LRP2: variants seen among roughly 807,000 people sequenced by gnomAD.
LRP2 encodes the protein low-density lipoprotein receptor-related protein 2.
Under a neutral mutation model 531.0 loss-of-function variants are expected in LRP2, and 172 were observed. That is an observed-to-expected ratio of 0.32 (90% CI 0.29 to 0.37). The LOEUF (loss-of-function observed/expected upper bound fraction) is 0.37, where lower values mean the gene tolerates loss of function less well. Ranked by LOEUF, LRP2 falls within the 10% of genes least tolerant of loss-of-function variation. The pLI is 1.00. For missense variants in LRP2, 5,167 were observed against 5,868.3 expected (o/e 0.88, Z 3.90); for synonymous variants, 1,992 against 2,027.6 (o/e 0.98, Z 0.47).
chr2:169,283,773 C>G (rs977679749), intron 9 of LRP2, among the ~76,000 whole-genome samples: 2 of 152,172 alleles, frequency 1.3e-5, no homozygotes, highest in Non-Finnish European at 2.9e-5. Flanking sequence ...ATTGAAGTCC[C>G]TTACATGACA....
At chr2:169,284,405 C>G (rs893675880) in intron 9 of LRP2, among the ~76,000 whole-genome samples, 1 of 151,638 alleles carries the variant, frequency 6.6e-6, no homozygotes, top group African/African-American at 2.4e-5. Flanking sequence ...GCTGGAACTA[C>G]AGGTGTGCGC....
intron 16 of LRP2, among the ~76,000 whole-genome samples, chr2:169,270,156 A>G (rs1229623049): frequency 2.0e-5 from 3 of 152,122 alleles, no homozygotes; most frequent in Non-Finnish European, 4.4e-5. Flanking sequence ...ACACTGTTGG[A>G]GGGACTGTAA....
In LRP2 at chr2:169,216,243, G is replaced by A; in HGVS notation, c.5826+10C>T. 1 of 1,613,058 alleles carries A rather than the reference G, an allele frequency of 6.2e-7. No individual in the cohort carries two copies. Among genetic ancestry groups the A allele is most frequent in the East Asian group, 2.2e-5 (1 of 44,860 alleles). On this transcript the variant is annotated intron_variant, in intron 35 of 78. Coordinates refer to ENST00000649046, the MANE Select transcript of LRP2 (RefSeq NM_004525.3). Reference sequence around the variant, plus strand: ...GCATAAAGACCAAAAGACTGAAAGGGTGCTCATACCACTCCTCTTCCAGTG... The same window carrying A: ...GCATAAAGACCAAAAGACTGAAAGGATGCTCATACCACTCCTCTTCCAGTG...
intron 44 of LRP2, among the ~76,000 whole-genome samples, chr2:169,200,327 A>G (rs2105323939): frequency 6.6e-6 from 1 of 152,350 alleles, no homozygotes; most frequent in South Asian, 2.1e-4. Context: ...AGAAGCAATG[A>G]AAGCTAAGTA....
At chr2:169,260,648 G>A (rs185706737) in intron 16 of LRP2, among the ~76,000 whole-genome samples, 1 of 152,028 alleles carries the variant, frequency 6.6e-6, no homozygotes, top group South Asian at 2.1e-4. Context: ...CTACAGAAAG[G>A]CTTGCTTGGT....
chr2:169,324,274 T>C (rs1456832947), intron 1 of LRP2, among the ~76,000 whole-genome samples: 1 of 152,180 alleles, frequency 6.6e-6, no homozygotes, highest in Non-Finnish European at 1.5e-5. Flanking sequence ...CCAGCATTCG[T>C]GCTACTTGAC....
Position 169,292,319 on chromosome 2 carries a change from T to G in LRP2, c.703A>C (p.Ile235Leu). The change falls in exon 7 of 79, where the codon ATT becomes CTT. Residue 235 changes from isoleucine to leucine, a missense_variant. By Grantham distance (5) the Ile-to-Leu change is conservative (BLOSUM62 2). Transcript: ENST00000649046. ...YQFTCPSGRC[I>L]YQNWVCDGED... ...CCATCACAAACCCAGTTTTGATAAA[T>G]GCATCGGCCACTGGGGCAAGTGAAC... 1 of 1,614,146 alleles carries G rather than the reference T, an allele frequency of 6.2e-7. No individual in the cohort carries two copies. Among genetic ancestry groups the G allele is most frequent in the Non-Finnish European group, 8.5e-7 (1 of 1,180,006 alleles).
intron 2 of LRP2, among the ~76,000 whole-genome samples, chr2:169,319,145 CA>C (rs529963939): frequency 3.9e-5 from 6 of 151,968 alleles, no homozygotes; most frequent in African/African-American, 1.5e-4. Context: ...CACATACACA[CA>C]AAAAAATTAT....
intron 1 of LRP2, among the ~76,000 whole-genome samples, chr2:169,334,096 C>T (rs1358492520): frequency 6.6e-6 from 1 of 152,116 alleles, no homozygotes; most frequent in Non-Finnish European, 1.5e-5. Flanking sequence ...ACAAGTTTAT[C>T]TGCAGTGATT....
At position 169,282,894 on chromosome 2, in the gene LRP2, A is replaced by G; in HGVS notation, c.1150T>C (p.Tyr384His). ...TCACAGGAATCATTAGCTTTGCAAT[A>G]CTGTCCACGCTCCAAGATATACCCT... ...EEGYILERGQ[Y>H]CKANDSFGEA... Residue 384 changes from tyrosine (Y) to histidine (H), a missense_variant, in exon 10 of 79, where the codon TAT (tyrosine) becomes CAT (histidine). Tyr to His is a moderately conservative substitution (Grantham distance 83, BLOSUM62 2). Around this residue, in one of 6 missense-constraint regions of LRP2, gnomAD observed 2,811 missense variants for 3,058.0 expected, o/e 0.92. Transcript: ENST00000649046. The G allele has an allele frequency of 8.1e-6, 13 of 1,614,090 alleles. No homozygotes were observed. The highest frequency in any genetic ancestry group is 1.1e-5 in the Non-Finnish European group (13 of 1,179,928).
At chr2:169,236,126 T>C (rs1295552667) in intron 28 of LRP2, 58 bp from the exon 29 acceptor site, 13 of 1,230,040 alleles carry the variant, frequency 1.1e-5, no homozygotes, top group Non-Finnish European at 1.5e-5. Context: ...TAAAAATAAC[T>C]GTCATTTTAA....
rs1014226087 is a variant in LRP2, at chr2:169,281,828, C to T, written c.1171+1045G>A. Reference sequence around the variant, plus strand: ...ATATCTTCAGTACATTCACAAGATGCAGAACTGTGCATATAGTTTACTACC... The same window carrying T: ...ATATCTTCAGTACATTCACAAGATGTAGAACTGTGCATATAGTTTACTACC... On this transcript the variant is annotated intron_variant, in intron 10 of 78. Transcript: ENST00000649046. Among the ~76,000 whole-genome samples the T allele has an allele frequency of 1.8e-4, 27 of 152,086 alleles. No individual in the cohort carries two copies. The East Asian group carries it at 4.8e-3, about 27-fold the overall frequency.
At chr2:169,148,187 G>A (rs1468848911) in intron 68 of LRP2, among the ~76,000 whole-genome samples, 2 of 152,182 alleles carry the variant, frequency 1.3e-5, no homozygotes, top group Non-Finnish European at 2.9e-5. Context: ...CATTAAAAAG[G>A]ACACACATGT....
intron 1 of LRP2, among the ~76,000 whole-genome samples, chr2:169,357,406 A>T (rs1686023917): frequency 1.3e-5 from 2 of 151,120 alleles, no homozygotes; most frequent in African/African-American, 4.9e-5. Flanking sequence ...ATCTCAGCTC[A>T]CTGCAATCCC....
At chr2:169,285,583 C>T (rs950452159) in intron 9 of LRP2, among the ~76,000 whole-genome samples, 8 of 152,148 alleles carry the variant, frequency 5.3e-5, no homozygotes, top group Admixed American at 1.3e-4. Context: ...ACAAATACTG[C>T]TGTGAAAATG....
At position 169,204,158 on chromosome 2, in the gene LRP2, A is replaced by C. The variant is rs1235501834; in HGVS notation, c.7829T>G (p.Leu2610Trp). The change falls in exon 42 of 79, where the codon TTG becomes TGG. Residue 2610 changes from leucine (L) to tryptophan (W), a missense_variant. Physicochemically the swap from Leu to Trp is moderately conservative, Grantham distance 61. Around this residue, in one of 6 missense-constraint regions of LRP2, gnomAD observed 1,129 missense variants for 1,362.7 expected, o/e 0.83. Transcript: ENST00000649046. Reference sequence around the variant, plus strand: ...AGCTCGGTAAATTCTTTGTGTGTACAAGTCAGTCCAGTAAATATACTGGCC... The same window carrying C: ...AGCTCGGTAAATTCTTTGTGTGTACCAGTCAGTCCAGTAAATATACTGGCC... ...LYGQYIYWTD[L>W]YTQRIYRANK... 1 of 1,614,106 alleles carries C rather than the reference A, an allele frequency of 6.2e-7. No individual in the cohort carries two copies. The highest frequency in any genetic ancestry group is 1.3e-5 in the African/African-American group (1 of 74,932).
rs1235054622 is a variant in LRP2 at position 169,277,938 on chromosome 2, A to G, written c.1579T>C (p.Ser527Pro). ...TCCCCAGAAAGGCTCTCCCAATCTG[A>G]GAAAAATAAATAACTACAAAAGAAA... The part of the protein sequence containing the change: ...VDPTVGYLFF[S>P]DWESLSGEPK... Residue 527 changes from serine to proline, a missense_variant, in exon 13 of 79, where the codon TCA (serine) becomes CCA (proline). Transcript: ENST00000649046. The G allele has an allele frequency of 6.2e-7, 1 of 1,613,364 alleles. No individual in the cohort carries two copies. Among genetic ancestry groups the G allele is most frequent in the Non-Finnish European group, 8.5e-7 (1 of 1,179,470 alleles).
At chr2:169,153,810 T>G (rs190256289) in intron 66 of LRP2, among the ~76,000 whole-genome samples, 1 of 152,300 alleles carries the variant, frequency 6.6e-6, no homozygotes, top group East Asian at 1.9e-4. Flanking sequence ...CAACACCAGA[T>G]AGAGCCATGA....
At chr2:169,272,261 G>A (rs1250356601) in intron 15 of LRP2, among the ~76,000 whole-genome samples, 2 of 152,068 alleles carry the variant, frequency 1.3e-5, no homozygotes, top group Non-Finnish European at 2.9e-5. Context: ...CCAGGCGATG[G>A]CTTAAGTGTG....
Sources: allele counts gnomAD v4.1 joint callset (sites outside exome capture counted in the v4.1 genomes callset), GRCh38; gene constraint gnomAD v4.1.1; regional missense constraint gnomAD v4.1.1; transcripts MANE v1.5; gene names NCBI Gene and HGNC (gene_info 2026-07-23, HGNC 2026-07-21).